Variants in FRMD1 observed in about 807,000 individuals in gnomAD.
The protein encoded by FRMD1 is FERM domain-containing protein 1.
A neutral mutation model predicts 54.9 loss-of-function variants in FRMD1; 51 were observed. The ratio of observed to expected loss-of-function variants is 0.93; its 90% CI spans 0.74 to 1.17. The LOEUF is 1.17. FRMD1 is among the 50% of genes most tolerant of loss of function. The probability of loss-of-function intolerance (pLI) is 0.00; values close to 1 mark genes in which losing one functional copy is unlikely to be tolerated. For synonymous variants in FRMD1, 324 were observed against 306.4 expected (o/e 1.06, Z -0.60); for missense variants, 729 against 743.0 (o/e 0.98, Z 0.22).
At chr6:168,063,563 T>A (rs376021844) in intron 6 of FRMD1, 38 bp downstream of exon 6, 297 of 1,567,878 alleles carry the variant, frequency 1.9e-4, no homozygotes, top group Non-Finnish European at 2.4e-4. Flanking sequence ...TGGCCTGGAG[T>A]CAGAGTCCAG....
At chr6:168,091,001 A>G (rs4708643) in intron 1 of FRMD1, among the ~76,000 whole-genome samples, 54,691 of 151,502 alleles carry the variant, frequency 0.36, 10,708 homozygotes, top group African/African-American at 0.53. Context: ...ACCCAAGCGG[A>G]CTCCCGGCTC....
At chr6:168,087,298 A>G (rs1230639397) in intron 1 of FRMD1, among the ~76,000 whole-genome samples, 1 of 151,980 alleles carries the variant, frequency 6.6e-6, no homozygotes, top group Non-Finnish European at 1.5e-5. Flanking sequence ...CTACCTCCTG[A>G]CCTCAAATGA....
At position 168,057,246 on chromosome 6, in the gene FRMD1, T is replaced by G; in HGVS notation, c.1501A>C (p.Thr501Pro). ...LHQLALHPAP[T>P]SLSHTFHRAL... ...CGGTGGAAGGTATGGCTGAGTGAGG[T>G]GGGCGCTGGGTGCAGGGCCAGCTGG... Residue 501 changes from threonine to proline, a missense_variant, in exon 11 of 11, where the codon ACC (threonine) becomes CCC (proline). Coordinates refer to ENST00000283309, the MANE Select transcript of FRMD1 (RefSeq NM_024919.6). The G allele has an allele frequency of 6.2e-7, 1 of 1,609,936 alleles. No homozygotes were observed. Among genetic ancestry groups the G allele is most frequent in the South Asian group, 1.1e-5 (1 of 90,386 alleles).
At chr6:168,087,091 G>C (rs1201558254) in intron 1 of FRMD1, among the ~76,000 whole-genome samples, 1 of 151,228 alleles carries the variant, frequency 6.6e-6, no homozygotes, top group Non-Finnish European at 1.5e-5. Context: ...TTCTTCATGT[G>C]GTGTCTTGCT....
At chr6:168,074,753 G>A (rs530086551) in intron 2 of FRMD1, among the ~76,000 whole-genome samples, 9 of 68,932 alleles carry the variant, frequency 1.3e-4, no homozygotes. Context: ...GTGTGCATGT[G>A]TGTGGTGCAT....
rs772055779 is a variant in FRMD1, at chr6:168,075,325, G to A, written c.224C>T (p.Thr75Ile). 12 of 1,612,698 alleles carry A rather than the reference G, an allele frequency of 7.4e-6. 1 individual carries two copies. In the Admixed American group the frequency reaches 8.3e-5, roughly 11 times the overall value. Reference sequence around the variant, plus strand: ...CACTTGCTGGAAAAGCTCGCGGCCAGTAGCCTTCACCTGCAAAAGAGGTGG... The same window carrying A: ...CACTTGCTGGAAAAGCTCGCGGCCAATAGCCTTCACCTGCAAAAGAGGTGG... ...QLRLAVGVKATGRELFQQVCN... is the reference protein window; with the variant it reads ...QLRLAVGVKAIGRELFQQVCN... The change falls in exon 2 of 11, where the codon ACT becomes ATT. Residue 75 changes from threonine to isoleucine, a missense_variant. Transcript: ENST00000283309.
chr6:168,070,008 T>C (rs1800219681), intron 2 of FRMD1, among the ~76,000 whole-genome samples: 1 of 152,128 alleles, frequency 6.6e-6, no homozygotes. Context: ...GTGGATTGCA[T>C]GAGCCCAGCA....
chr6:168,075,984 C>T, intron 1 of FRMD1: 3 of 1,055,242 alleles, frequency 2.8e-6, no homozygotes, highest in Non-Finnish European at 2.7e-6. Flanking sequence ...TCCGGCGTCT[C>T]GCATGTGACA....
upstream of FRMD1, chr6:168,081,443 C>T (rs778626843): frequency 1.5e-4 from 224 of 1,535,466 alleles, no homozygotes; most frequent in Admixed American, 4.1e-4. Context: ...GCAGAGGCCG[C>T]GAGGAAGAGG....
chr6:168,061,094 A>G, intron 8 of FRMD1, 37 bp from the exon 9 acceptor site: 3 of 1,580,022 alleles, frequency 1.9e-6, no homozygotes, highest in South Asian at 2.3e-5. Flanking sequence ...GGCGAGCTGG[A>G]GAGGGACCAG....
At chr6:168,075,800 C>G (rs1800562970) in intron 1 of FRMD1, 2 of 1,550,092 alleles carry the variant, frequency 1.3e-6, no homozygotes, top group African/African-American at 2.7e-5. Context: ...GAGCCTCTCA[C>G]GGCAGCCTCT....
At chr6:168,076,141 C>T (rs545014007) in intron 1 of FRMD1, among the ~76,000 whole-genome samples, 1 of 152,190 alleles carries the variant, frequency 6.6e-6, no homozygotes, top group Non-Finnish European at 1.5e-5. Flanking sequence ...AATCGCAGGG[C>T]GCCAAGCCTG....
upstream of FRMD1, among the ~76,000 whole-genome samples, chr6:168,080,373 C>T (rs1168797844): frequency 6.6e-6 from 1 of 152,066 alleles, no homozygotes; most frequent in Non-Finnish European, 1.5e-5. Context: ...CTCTCCACAG[C>T]AAACGTAGAG....
In FRMD1 at chr6:168,075,318, G is replaced by C; in HGVS notation, c.231C>G (p.Arg77=). The C allele has an allele frequency of 6.2e-7, 1 of 1,613,024 alleles. No homozygotes were observed. Among genetic ancestry groups the C allele is most frequent in the Non-Finnish European group, 8.5e-7 (1 of 1,179,972 alleles). Residue 77 remains arginine (R), a synonymous_variant, in exon 2 of 11, where the codon CGC becomes CGG. Transcript: ENST00000283309. The part of the protein sequence containing the change: ...RLAVGVKATG[R]ELFQQVCNVA... ...CGTTGCACACTTGCTGGAAAAGCTC[G>C]CGGCCAGTAGCCTTCACCTGCAAAA...
intron 5 of FRMD1, among the ~76,000 whole-genome samples, chr6:168,064,300 C>A (rs1462054790): frequency 6.6e-6 from 1 of 152,192 alleles, no homozygotes; most frequent in East Asian, 1.9e-4. Flanking sequence ...GGAGAGAAAC[C>A]TTAAAGTTCA....
At chr6:168,058,265 C>T (rs1271033704) in intron 10 of FRMD1, among the ~76,000 whole-genome samples, 1 of 144,052 alleles carries the variant, frequency 6.9e-6, no homozygotes, top group Non-Finnish European at 1.5e-5. Flanking sequence ...GTTCTCTCTC[C>T]ATCCAGCCTC....
chr6:168,091,686 G>A (rs980616605), intron 1 of FRMD1, among the ~76,000 whole-genome samples: 5 of 152,216 alleles, frequency 3.3e-5, no homozygotes, highest in Admixed American at 2.0e-4. Context: ...CTGAGAACAC[G>A]GCCTCCGAGT....
chr6:168,056,479 G>A lies in FRMD1; in HGVS notation c.*618C>T, dbSNP rs1174397209. 1 of 152,452 alleles carries A rather than the reference G, an allele frequency of 6.6e-6. No individual in the cohort carries two copies. Among genetic ancestry groups the A allele is most frequent in the African/African-American group, 2.4e-5 (1 of 41,472 alleles). 9.4% of individuals were successfully genotyped at this position (152,452 alleles called of 1,614,324 possible). On this transcript the variant is annotated 3_prime_UTR_variant, in exon 11 of 11. Coordinates refer to ENST00000283309, the MANE Select transcript of FRMD1 (RefSeq NM_024919.6). ...GCTTGGAAGGGAAAGCACAGCCATT[G>A]ACTGTGGATGGTGGAGGAGGGTCTC...
chr6:168,075,116 T>C lies in FRMD1; in HGVS notation c.304+129A>G, dbSNP rs557001425. 484 of 743,216 alleles carry C rather than the reference T, an allele frequency of 6.5e-4. 2 individuals carry two copies. Among genetic ancestry groups the C allele is most frequent in the Non-Finnish European group, 1.1e-3 (447 of 421,788 alleles). The allele number at this position is 743,216 out of a possible 1,614,324, so 46.0% of individuals were successfully genotyped here. On this transcript the variant is annotated intron_variant, in intron 2 of 10. Coordinates refer to ENST00000283309, the MANE Select transcript of FRMD1 (RefSeq NM_024919.6). Reference sequence around the variant, plus strand: ...GTAACTGTGCATTGTGCATGGTGTGTGCATGTGTACATATGAGAGTGGTGT... The same window carrying C: ...GTAACTGTGCATTGTGCATGGTGTGCGCATGTGTACATATGAGAGTGGTGT...
Sources: gnomAD v4.1 joint callset for allele counts (sites outside exome capture counted in the v4.1 genomes callset) on GRCh38, gnomAD v4.1.1 for gene constraint, MANE v1.5 for transcripts, NCBI Gene and HGNC (gene_info 2026-07-23, HGNC 2026-07-21) for gene names.